The following CEP85L variants were observed in gnomAD, a reference collection of about 807,000 sequenced individuals.
The protein encoded by CEP85L is centrosomal protein of 85 kDa-like.
CEP85L carries 60 observed loss-of-function variants against 100.3 expected under a neutral mutation model. That is an observed-to-expected ratio of 0.60 (90% CI 0.49 to 0.74). The LOEUF is 0.74. Ranked by LOEUF, CEP85L falls within the 30% of genes least tolerant of loss-of-function variation. CEP85L has a pLI of 0.00. For synonymous variants in CEP85L, 319 were observed against 322.7 expected (o/e 0.99, Z 0.12); for missense variants, 973 against 936.2 (o/e 1.04, Z -0.51).
In CEP85L at chr6:118,465,448, T is replaced by C; in HGVS notation, c.2375A>G (p.Asp792Gly). Reference sequence around the variant, plus strand: ...GTCTCCCATGTCCTGAGCATAGCGGTCTGATATTGTAGTCCTTAATTCATC... The same window carrying C: ...GTCTCCCATGTCCTGAGCATAGCGGCCTGATATTGTAGTCCTTAATTCATC... ...DIDELRTTIS[D>G]RYAQDMGDNC... The change falls in exon 13 of 13, where the codon GAC (aspartate) becomes GGC (glycine). Residue 792 changes from aspartate (D) to glycine (G), a missense_variant. Physicochemically the swap from Asp to Gly is moderately conservative, Grantham distance 94. Transcript: ENST00000368491. The C allele has an allele frequency of 6.2e-7, 1 of 1,613,562 alleles. No individual in the cohort carries two copies. Among genetic ancestry groups the C allele is most frequent in the Non-Finnish European group, 8.5e-7 (1 of 1,179,610 alleles).
chr6:118,699,627 T>G (rs1363811883), intron 1 of CEP85L, among the ~76,000 whole-genome samples: 1 of 152,096 alleles, frequency 6.6e-6, no homozygotes, highest in Non-Finnish European at 1.5e-5. Context: ...TCTGGAGATG[T>G]TTGAAGGATG....
At position 118,535,208 on chromosome 6, in the gene CEP85L, C is replaced by T. The variant is rs566039363; in HGVS notation, c.1021-11288G>A. Reference sequence around the variant, plus strand: ...CACAGTACTATTCAGCACACACAGGCACACACACAAATTTATAACATGCAA... The same window carrying T: ...CACAGTACTATTCAGCACACACAGGTACACACACAAATTTATAACATGCAA... On this transcript the variant is annotated intron_variant, in intron 3 of 12. Coordinates refer to ENST00000368491, the MANE Select transcript of CEP85L (RefSeq NM_001042475.3). Among the ~76,000 whole-genome samples the T allele has an allele frequency of 9.5e-4, 144 of 152,210 alleles. 1 individual carries two copies. The highest frequency in any genetic ancestry group is 3.1e-3 in the African/African-American group (129 of 41,522).
At chr6:118,634,939 G>T (rs1206755163) in intron 1 of CEP85L, among the ~76,000 whole-genome samples, 1 of 152,066 alleles carries the variant, frequency 6.6e-6, no homozygotes, top group Non-Finnish European at 1.5e-5. Flanking sequence ...CTCACTAATG[G>T]TGGGAGAAGT....
intron 2 of CEP85L, among the ~76,000 whole-genome samples, chr6:118,576,494 C>G (rs1276786716): frequency 6.6e-6 from 1 of 152,236 alleles, no homozygotes; most frequent in Non-Finnish European, 1.5e-5. Flanking sequence ...TTTTCTTCTC[C>G]CCTTAGCTAC....
chr6:118,576,656 C>A (rs1237111047), intron 2 of CEP85L, among the ~76,000 whole-genome samples: 5 of 152,014 alleles, frequency 3.3e-5, no homozygotes, highest in Non-Finnish European at 7.4e-5. Context: ...TGGGGGGAAT[C>A]CTCAGAGGAA....
At chr6:118,549,443 C>T (rs1297751626) in intron 3 of CEP85L, among the ~76,000 whole-genome samples, 3 of 151,716 alleles carry the variant, frequency 2.0e-5, no homozygotes, top group East Asian at 1.9e-4. Flanking sequence ...CAGAAAATTA[C>T]ATATATTTTA....
chr6:118,482,554 A>G (rs1355315039), intron 7 of CEP85L, among the ~76,000 whole-genome samples: 1 of 152,198 alleles, frequency 6.6e-6, no homozygotes, highest in East Asian at 1.9e-4. Flanking sequence ...TAAGGCGAAC[A>G]GGATTCCACT....
chr6:118,566,058 G>C lies in CEP85L; in HGVS notation c.491C>G (p.Ala164Gly). 6.2e-7 allele frequency: 1 copy of C among 1,614,156 alleles called. No individual in the cohort carries two copies. Among genetic ancestry groups the C allele is most frequent in the South Asian group, 1.1e-5 (1 of 91,076 alleles). Reference sequence around the variant, plus strand: ...GCCACCCTGGCCACAGTTATCCGGGGCAGTGAGTTTGGATAAAGATGACCA... The same window carrying C: ...GCCACCCTGGCCACAGTTATCCGGGCCAGTGAGTTTGGATAAAGATGACCA... ...RKWSSLSKLTAPDNCGQGGTV... is the reference protein window; with the variant it reads ...RKWSSLSKLTGPDNCGQGGTV... The change falls in exon 3 of 13, where the codon GCC becomes GGC. Residue 164 changes from alanine (A) to glycine (G), a missense_variant. Ala to Gly is a moderately conservative substitution (Grantham distance 60). Around this residue, in one of 3 missense-constraint regions of CEP85L, gnomAD observed 890 missense variants for 844.5 expected, o/e 1.05. Transcript: ENST00000368491.
chr6:118,480,489 G>A lies in CEP85L; in HGVS notation c.1770C>T (p.Cys590=). The A allele has an allele frequency of 6.2e-7, 1 of 1,606,758 alleles. No homozygotes were observed. The highest frequency in any genetic ancestry group is 8.5e-7 in the Non-Finnish European group (1 of 1,175,538). The part of the protein sequence containing the change: ...VQSLQQKVER[C]LEDGIRLPML... ...TGGGAAGGCGGATTCCATCTTCAAGGCATCTTTCTACTTTTTGTTGCAAAC... is the reference window on the plus strand; with the variant it reads ...TGGGAAGGCGGATTCCATCTTCAAGACATCTTTCTACTTTTTGTTGCAAAC... The change falls in exon 9 of 13, where the codon TGC becomes TGT. Residue 590 remains cysteine, a synonymous_variant. Coordinates refer to ENST00000368491, the MANE Select transcript of CEP85L (RefSeq NM_001042475.3).
intron 1 of CEP85L, among the ~76,000 whole-genome samples, chr6:118,698,384 G>T (rs1162701655): frequency 6.6e-6 from 1 of 152,130 alleles, no homozygotes; most frequent in Non-Finnish European, 1.5e-5. Flanking sequence ...GTTATCTTCA[G>T]CATATCCCTG....
intron 2 of CEP85L, among the ~76,000 whole-genome samples, chr6:118,596,597 A>G (rs1407085229): frequency 1.3e-5 from 2 of 152,184 alleles, no homozygotes; most frequent in African/African-American, 4.8e-5. Context: ...CTTTCCTTCT[A>G]AATAGTCTTT....
intron 5 of CEP85L, among the ~76,000 whole-genome samples, chr6:118,496,813 G>A (rs1774959801): frequency 6.6e-6 from 1 of 152,160 alleles, no homozygotes; most frequent in Non-Finnish European, 1.5e-5. Flanking sequence ...TATTCAACCT[G>A]CTCAATGAAG....
At chr6:118,544,237 T>C (rs896250074) in intron 3 of CEP85L, among the ~76,000 whole-genome samples, 1 of 152,160 alleles carries the variant, frequency 6.6e-6, no homozygotes, top group Non-Finnish European at 1.5e-5. Context: ...TTGAAGCAAG[T>C]ATTTGGAGAC....
rs776914155 is a variant in CEP85L, at chr6:118,461,871, C to T, written c.*3534G>A. The T allele has an allele frequency of 1.4e-4, 22 of 152,090 alleles. No individual in the cohort carries two copies. The highest frequency in any genetic ancestry group is 3.4e-4 in the African/African-American group (14 of 41,544). 9.4% of individuals were successfully genotyped at this position (152,090 alleles called of 1,614,324 possible). ...CATATCTACAATGATATAATTCCTA[C>T]GTAAGAGAATGCCAATAATCCAAAC... On this transcript the variant is annotated 3_prime_UTR_variant, in exon 13 of 13. Transcript: ENST00000368491.
At chr6:118,641,777 T>C (rs149711714) in intron 1 of CEP85L, among the ~76,000 whole-genome samples, 26 of 151,122 alleles carry the variant, frequency 1.7e-4, no homozygotes, top group Middle Eastern at 6.8e-3. Context: ...AACAAGAAAA[T>C]AGTCAAGCTG....
At chr6:118,617,718 G>C (rs770973202) in intron 2 of CEP85L, among the ~76,000 whole-genome samples, 3 of 152,042 alleles carry the variant, frequency 2.0e-5, no homozygotes, top group Non-Finnish European at 2.9e-5. Context: ...CTCTCTCTTG[G>C]TCCAAGTATC....
chr6:118,708,584 A>T (rs1215206127), intron 1 of CEP85L, among the ~76,000 whole-genome samples: 1 of 152,222 alleles, frequency 6.6e-6, no homozygotes, highest in Non-Finnish European at 1.5e-5. Context: ...TCTATTATTA[A>T]ATGGTAGCCA....
At chr6:118,587,579 T>TA (rs1780939846) in intron 2 of CEP85L, among the ~76,000 whole-genome samples, 2 of 152,060 alleles carry the variant, frequency 1.3e-5, no homozygotes, top group Admixed American at 6.5e-5. Context: ...GACTATAATG[T>TA]AAAAAATAAC....
At chr6:118,569,368 A>AAAAAAAAAAAAAAAAAAAAATG (rs56914205) in intron 2 of CEP85L, among the ~76,000 whole-genome samples, 1 of 140,772 alleles carries the variant, frequency 7.1e-6, no homozygotes, top group African/African-American at 2.6e-5. Flanking sequence ...AAAAAAAAAA[A>AAAAAAAAAAAAAAAAAAAAATG]GGAGTAAAAT....
Sources: gnomAD v4.1 joint callset for allele counts (sites outside exome capture counted in the v4.1 genomes callset) on GRCh38, gnomAD v4.1.1 for gene constraint, gnomAD v4.1.1 regional missense constraint, MANE v1.5 for transcripts, NCBI Gene and HGNC (gene_info 2026-07-23, HGNC 2026-07-21) for gene names.